Variants in PJA2 observed in about 807,000 individuals in gnomAD.
PJA2 encodes praja ring finger ubiquitin ligase 2.
In PJA2, 25 loss-of-function variants were observed where a neutral mutation model predicts 69.3. That is an observed-to-expected ratio of 0.36 (90% CI 0.26 to 0.50). The LOEUF (loss-of-function observed/expected upper bound fraction) is 0.50. Ranked by LOEUF, PJA2 falls within the 20% of genes least tolerant of loss-of-function variation. The pLI, the probability that PJA2 is intolerant of heterozygous loss-of-function variation, is 0.96. For missense variants in PJA2, 809 were observed against 830.2 expected (o/e 0.97, Z 0.31); for synonymous variants, 308 against 277.8 (o/e 1.11, Z -1.08).
chr5:109,378,179 G>T, intron 4 of PJA2, 25 bp downstream of exon 4: 1 of 1,545,392 alleles, frequency 6.5e-7, no homozygotes, highest in South Asian at 1.2e-5. Flanking sequence ...TACACAATCG[G>T]AAAAAGTACT....
intron 6 of PJA2, among the ~76,000 whole-genome samples, chr5:109,356,711 A>G (rs1243978895): frequency 6.6e-6 from 1 of 152,074 alleles, no homozygotes; most frequent in Non-Finnish European, 1.5e-5. Flanking sequence ...TCATTTTGTA[A>G]TGCTTAATAA....
intron 1 of PJA2, among the ~76,000 whole-genome samples, chr5:109,387,854 CTT>C (rs1747194458): frequency 6.6e-6 from 1 of 152,074 alleles, no homozygotes. Flanking sequence ...TTTACATACA[CTT>C]TGTCTAGTAC....
At chr5:109,367,156 A>C (rs895750321) in intron 5 of PJA2, among the ~76,000 whole-genome samples, 1 of 147,986 alleles carries the variant, frequency 6.8e-6, no homozygotes, top group Non-Finnish European at 1.5e-5. Flanking sequence ...ATATATATAT[A>C]TATATATATC....
chr5:109,397,324 A>T (rs1747436661), intron 1 of PJA2, among the ~76,000 whole-genome samples: 1 of 152,248 alleles, frequency 6.6e-6, no homozygotes, highest in South Asian at 2.1e-4. Flanking sequence ...AAGATACAAA[A>T]GTCACTACAG....
At chr5:109,376,270 AAAAAC>A (rs1430083675) in intron 4 of PJA2, among the ~76,000 whole-genome samples, 1 of 151,728 alleles carries the variant, frequency 6.6e-6, no homozygotes, top group Non-Finnish European at 1.5e-5. Flanking sequence ...AAAAAAAAAA[AAAAAC>A]TATCATTGTT....
rs147542487 is a variant in PJA2, at chr5:109,386,051, C to T, written c.-87-2531G>A. ...GATTTTGGGGCCAGGTGCAGTTGCT[C>T]ACACCTGTAATCCCAGCACTTTGGA... On this transcript the variant is annotated intron_variant, in intron 1 of 9. Transcript: ENST00000361189. 2.9e-3 allele frequency among the ~76,000 whole-genome samples: 437 copies of T among 151,658 alleles called. 2 individuals carry two copies. The highest frequency in any genetic ancestry group is 0.01 in the African/African-American group (417 of 41,330).
intron 9 of PJA2, among the ~76,000 whole-genome samples, chr5:109,341,553 G>T: frequency 6.9e-6 from 1 of 145,192 alleles, no homozygotes; most frequent in African/African-American, 2.6e-5. Flanking sequence ...GGAGGTGGGG[G>T]GGGGTCAGCC....
chr5:109,369,038 C>T (rs1003650940), intron 4 of PJA2, among the ~76,000 whole-genome samples: 7 of 152,070 alleles, frequency 4.6e-5, no homozygotes, highest in Admixed American at 1.3e-4. Context: ...CTTACACCTG[C>T]TCCTGCCAAG....
intron 9 of PJA2, among the ~76,000 whole-genome samples, chr5:109,341,147 A>C (rs1162334238): frequency 1.4e-3 from 140 of 98,126 alleles, no homozygotes; most frequent in African/African-American, 5.4e-3. Context: ...CCCAGTCTGG[A>C]AAGTGAGGAG....
At chr5:109,354,079 A>G (rs62643546) in intron 7 of PJA2, among the ~76,000 whole-genome samples, 16,759 of 106,640 alleles carry the variant, frequency 0.16, 4,094 homozygotes, top group African/African-American at 0.45. Context: ...ATATCTATAG[A>G]TTAGATATCT....
intron 7 of PJA2, among the ~76,000 whole-genome samples, chr5:109,354,556 AT>A (rs780611121): frequency 1.8e-4 from 24 of 133,848 alleles, no homozygotes; most frequent in South Asian, 7.0e-4. Flanking sequence ...CTATATCGAT[AT>A]TAGATATCTA....
rs181419641 is a variant in PJA2, at chr5:109,352,963, C to T, written c.1764+2952G>A. 6.6e-4 allele frequency among the ~76,000 whole-genome samples: 90 copies of T among 136,196 alleles called. 10 individuals are homozygous for T. The highest frequency in any genetic ancestry group is 2.5e-3 in the African/African-American group (89 of 35,104). The allele number at this position is 136,196 out of a possible 152,430, so 89.3% of individuals were successfully genotyped here. On this transcript the variant is annotated intron_variant, in intron 7 of 9. Transcript: ENST00000361189. ...ATTAGATACCTATTATATCTATAGA[C>T]ATCTATATATTAGATACCTATATCT...
At chr5:109,346,093 C>A (rs1403283727) in intron 7 of PJA2, among the ~76,000 whole-genome samples, 1 of 152,196 alleles carries the variant, frequency 6.6e-6, no homozygotes, top group African/African-American at 2.4e-5. Flanking sequence ...TTCCATGAGG[C>A]CTATGTCAGT....
chr5:109,402,344 T>G (rs1242007871), intron 1 of PJA2, among the ~76,000 whole-genome samples: 1 of 152,024 alleles, frequency 6.6e-6, no homozygotes, highest in Non-Finnish European at 1.5e-5. Flanking sequence ...ATTAAATGGA[T>G]GGAAAATAAT....
chr5:109,367,236 T>C (rs1157096256), intron 5 of PJA2, among the ~76,000 whole-genome samples: 1 of 150,468 alleles, frequency 6.6e-6, no homozygotes, highest in Non-Finnish European at 1.5e-5. Flanking sequence ...AACCTACCAC[T>C]GTTGAAACCA....
intron 1 of PJA2, 43 bp from the exon 2 acceptor site, chr5:109,383,563 C>T (rs1747097235): frequency 1.5e-6 from 1 of 665,586 alleles, no homozygotes; most frequent in Non-Finnish European, 2.5e-6. Flanking sequence ...AATAAAAGCA[C>T]AAAAATAGCA....
intron 7 of PJA2, among the ~76,000 whole-genome samples, chr5:109,354,008 T>G (rs868430160): frequency 1.4e-5 from 2 of 141,774 alleles, no homozygotes; most frequent in South Asian, 2.3e-4. Context: ...GAGATATCTA[T>G]AGATTAGATA....
At chr5:109,383,296 TTTTAGTAAGACCACAGGTCAGA>T in intron 2 of PJA2, 85 bp downstream of exon 2, 1 of 946,454 alleles carries the variant, frequency 1.1e-6, no homozygotes, top group East Asian at 2.5e-5. Flanking sequence ...AAAACCAGCC[TTTTAGTAAGACCACAGGTCAGA>T]TGATCATATG....
intron 7 of PJA2, 121 bp from the exon 8 acceptor site, chr5:109,344,940 T>C: frequency 1.6e-6 from 1 of 627,284 alleles, no homozygotes; most frequent in South Asian, 2.7e-5. Flanking sequence ...TTCTTTTGCT[T>C]TAGTCCTTTG....
Sources: allele counts gnomAD v4.1 joint callset (sites outside exome capture counted in the v4.1 genomes callset), GRCh38; gene constraint gnomAD v4.1.1; transcripts MANE v1.5; gene names NCBI Gene and HGNC (gene_info 2026-07-23, HGNC 2026-07-21).